Variants in VPS13B observed in about 807,000 individuals in gnomAD.
The protein encoded by VPS13B is vacuolar protein sorting 13 homolog B.
In VPS13B, 285 loss-of-function variants were observed where a neutral mutation model predicts 426.4. The ratio of observed to expected loss-of-function variants is 0.67; its 90% CI spans 0.61 to 0.74. VPS13B has a LOEUF of 0.74. Among genes scored for constraint, VPS13B ranks in the 30% least tolerant of loss-of-function variants. VPS13B has a pLI of 0.00. For missense variants in VPS13B, 4,537 were observed against 4,782.6 expected (o/e 0.95, Z 1.51); for synonymous variants, 1,676 against 1,676.4 (o/e 1.00, Z 0.01).
chr8:99,542,574 G>A (rs1281978659), intron 30 of VPS13B, among the ~76,000 whole-genome samples: 1 of 152,106 alleles, frequency 6.6e-6, no homozygotes, highest in Non-Finnish European at 1.5e-5. Context: ...AGAGAGATGT[G>A]GGGACAAGTG....
At chr8:99,043,265 T>C (rs1843055686) in intron 3 of VPS13B, among the ~76,000 whole-genome samples, 1 of 152,206 alleles carries the variant, frequency 6.6e-6, no homozygotes, top group Non-Finnish European at 1.5e-5. Context: ...TGGATTTACT[T>C]GTAGAAATTT....
At chr8:99,631,493 A>G (rs1258853947) in intron 33 of VPS13B, among the ~76,000 whole-genome samples, 1 of 152,128 alleles carries the variant, frequency 6.6e-6, no homozygotes, top group African/African-American at 2.4e-5. Context: ...CACTGTGGTC[A>G]TTTATGATTC....
chr8:99,034,632 C>T (rs1842660716), intron 2 of VPS13B, among the ~76,000 whole-genome samples: 1 of 152,024 alleles, frequency 6.6e-6, no homozygotes, highest in Non-Finnish European at 1.5e-5. Flanking sequence ...CCTGGCAAGA[C>T]CCTGTTGGGC....
intron 33 of VPS13B, among the ~76,000 whole-genome samples, chr8:99,627,639 C>T (rs1167121693): frequency 6.6e-6 from 1 of 152,162 alleles, no homozygotes; most frequent in African/African-American, 2.4e-5. Context: ...CTGCCTCAGC[C>T]TCCCCAAGTG....
chr8:99,688,612 C>A (rs1831516653), intron 35 of VPS13B, among the ~76,000 whole-genome samples: 1 of 151,900 alleles, frequency 6.6e-6, no homozygotes, highest in Non-Finnish European at 1.5e-5. Context: ...TTTGACGAGC[C>A]TGTGAGAGTT....
chr8:99,402,658 A>G (rs1815101976), intron 21 of VPS13B, among the ~76,000 whole-genome samples: 1 of 147,418 alleles, frequency 6.8e-6, no homozygotes, highest in South Asian at 2.1e-4. Context: ...GAGTAAAAAG[A>G]AAAAAAAAAA....
At chr8:99,713,526 A>G (rs1041715710) in intron 36 of VPS13B, among the ~76,000 whole-genome samples, 1 of 152,214 alleles carries the variant, frequency 6.6e-6, no homozygotes, top group Non-Finnish European at 1.5e-5. Context: ...GTGATGTTGG[A>G]TTTGAACCTG....
At chr8:99,379,468 A>G (rs997096895) in intron 19 of VPS13B, among the ~76,000 whole-genome samples, 4 of 152,166 alleles carry the variant, frequency 2.6e-5, no homozygotes, top group Non-Finnish European at 4.4e-5. Flanking sequence ...TTAAAATAAC[A>G]TAGCTTTTCT....
chr8:99,808,508 CAA>C (rs758638504), intron 43 of VPS13B, among the ~76,000 whole-genome samples: 16 of 64,920 alleles, frequency 2.5e-4, no homozygotes, highest in Admixed American at 3.4e-4. Context: ...GAGCGAGACT[CAA>C]AAAAAAAAAA....
intron 33 of VPS13B, among the ~76,000 whole-genome samples, chr8:99,622,402 A>G (rs1251776425): frequency 6.6e-6 from 1 of 152,194 alleles, no homozygotes; most frequent in Non-Finnish European, 1.5e-5. Context: ...AGTTATGAGC[A>G]TATTTCTTTT....
At chr8:99,614,270 CACAT>C (rs956686544) in intron 33 of VPS13B, among the ~76,000 whole-genome samples, 8 of 151,692 alleles carry the variant, frequency 5.3e-5, no homozygotes, top group African/African-American at 1.7e-4. Context: ...CACACACACA[CACAT>C]ATATATATAT....
chr8:99,439,164 C>T (rs555246848), intron 22 of VPS13B, among the ~76,000 whole-genome samples: 152 of 152,158 alleles, frequency 1.0e-3, no homozygotes, highest in South Asian at 4.4e-3. Context: ...TGATGAACAA[C>T]GTGCATGAAG....
At chr8:99,370,025 CA>C (rs1813094364) in intron 19 of VPS13B, among the ~76,000 whole-genome samples, 1 of 152,102 alleles carries the variant, frequency 6.6e-6, no homozygotes, top group Admixed American at 6.5e-5. Context: ...GCATACTTTA[CA>C]ATAACTACTT....
At chr8:99,174,084 C>T (rs1812500591) in intron 16 of VPS13B, among the ~76,000 whole-genome samples, 1 of 152,100 alleles carries the variant, frequency 6.6e-6, no homozygotes, top group Non-Finnish European at 1.5e-5. Flanking sequence ...TCATTTGTGT[C>T]TGGCTTATTT....
intron 30 of VPS13B, among the ~76,000 whole-genome samples, chr8:99,531,571 G>T (rs1282160167): frequency 6.6e-6 from 1 of 151,910 alleles, no homozygotes; most frequent in Admixed American, 6.6e-5. Flanking sequence ...TCATCCCATT[G>T]TATACTTACA....
intron 19 of VPS13B, among the ~76,000 whole-genome samples, chr8:99,368,430 C>G (rs1309406070): frequency 6.6e-6 from 1 of 152,104 alleles, no homozygotes; most frequent in Non-Finnish European, 1.5e-5. Context: ...CCCAAATTAC[C>G]ATCTTCATCT....
At chr8:99,355,172 G>C (rs1031334299) in intron 19 of VPS13B, among the ~76,000 whole-genome samples, 2 of 152,192 alleles carry the variant, frequency 1.3e-5, no homozygotes, top group Admixed American at 1.3e-4. Flanking sequence ...AGCTTACTCT[G>C]TTAACATTCT....
chr8:99,525,019 C>G (rs2133679813), intron 30 of VPS13B, among the ~76,000 whole-genome samples: 1 of 152,254 alleles, frequency 6.6e-6, no homozygotes, highest in South Asian at 2.1e-4. Context: ...TGAGACCTGT[C>G]CTACAAGAAA....
At chr8:99,057,537 C>G (rs1480149762) in intron 3 of VPS13B, among the ~76,000 whole-genome samples, 1 of 152,106 alleles carries the variant, frequency 6.6e-6, no homozygotes, top group Admixed American at 6.6e-5. Context: ...TTTTAGTGCT[C>G]ACTCTCCTTG....
Sources: gnomAD v4.1 joint callset for allele counts (sites outside exome capture counted in the v4.1 genomes callset) on GRCh38, gnomAD v4.1.1 for gene constraint, MANE v1.5 for transcripts, NCBI Gene and HGNC (gene_info 2026-07-23, HGNC 2026-07-21) for gene names.